LYPD6B: variants seen among roughly 807,000 people sequenced by gnomAD.
The protein encoded by LYPD6B is ly6/PLAUR domain-containing protein 6B.
In LYPD6B, 17 loss-of-function variants were observed where a neutral mutation model predicts 22.8. That is an observed-to-expected ratio of 0.75 (90% CI 0.51 to 1.12). LYPD6B has a LOEUF of 1.12. Ranked by LOEUF, LYPD6B falls within the 50% of genes most tolerant of loss-of-function variation. The pLI, the probability that LYPD6B is intolerant of heterozygous loss-of-function variation, is 0.00. For missense variants in LYPD6B, 221 were observed against 258.3 expected (o/e 0.86, Z 0.99); for synonymous variants, 106 against 91.6 (o/e 1.16, Z -0.90).
At chr2:149,066,083 T>A (rs1340124704) in intron 1 of LYPD6B, among the ~76,000 whole-genome samples, 2 of 152,178 alleles carry the variant, frequency 1.3e-5, no homozygotes, top group Non-Finnish European at 2.9e-5. Context: ...TGGCACAGAT[T>A]GGGCAGTACC....
intron 3 of LYPD6B, among the ~76,000 whole-genome samples, chr2:149,191,035 A>G (rs1286980331): frequency 6.6e-6 from 1 of 152,150 alleles, no homozygotes; most frequent in African/African-American, 2.4e-5. Flanking sequence ...ATCATGAACA[A>G]TTTTAAGCTT....
At chr2:149,149,629 A>G (rs971610506) in intron 2 of LYPD6B, among the ~76,000 whole-genome samples, 5 of 152,236 alleles carry the variant, frequency 3.3e-5, no homozygotes, top group Admixed American at 2.6e-4. Flanking sequence ...ACAAGAATGT[A>G]TCACATGCAC....
At chr2:149,176,534 A>T (rs1691321361) in intron 3 of LYPD6B, among the ~76,000 whole-genome samples, 1 of 152,104 alleles carries the variant, frequency 6.6e-6, no homozygotes, top group Non-Finnish European at 1.5e-5. Flanking sequence ...AGTTGTCTGG[A>T]GCTGGACTCC....
At chr2:149,147,890 A>G (rs1689129487) in intron 2 of LYPD6B, among the ~76,000 whole-genome samples, 1 of 123,244 alleles carries the variant, frequency 8.1e-6, no homozygotes, top group Non-Finnish European at 1.8e-5. Flanking sequence ...CTGATTGCAA[A>G]TTTATGCACA....
intron 1 of LYPD6B, among the ~76,000 whole-genome samples, chr2:149,064,273 A>T (rs1293163873): frequency 6.6e-6 from 1 of 152,218 alleles, no homozygotes; most frequent in Non-Finnish European, 1.5e-5. Context: ...TTTTCTACTT[A>T]TGAAGTCATG....
intron 1 of LYPD6B, among the ~76,000 whole-genome samples, chr2:149,058,044 G>A (rs748817852): frequency 6.6e-6 from 1 of 152,306 alleles, no homozygotes; most frequent in Non-Finnish European, 1.5e-5. Flanking sequence ...AGGGCATTTC[G>A]ACTGGCAGCC....
chr2:149,115,236 G>T (rs1389496937), intron 1 of LYPD6B, among the ~76,000 whole-genome samples: 1 of 152,146 alleles, frequency 6.6e-6, no homozygotes, highest in Non-Finnish European at 1.5e-5. Context: ...ACCATGCCCA[G>T]CCTACAGTGA....
chr2:149,195,091 A>G (rs1461814314), intron 3 of LYPD6B, among the ~76,000 whole-genome samples: 1 of 152,216 alleles, frequency 6.6e-6, no homozygotes, highest in African/African-American at 2.4e-5. Context: ...TAGAAATGGC[A>G]ATTCTGTTGG....
At chr2:149,083,377 A>G (rs1276608416) in intron 1 of LYPD6B, among the ~76,000 whole-genome samples, 1 of 152,232 alleles carries the variant, frequency 6.6e-6, no homozygotes, top group Non-Finnish European at 1.5e-5. Flanking sequence ...AATAATATCT[A>G]GCACATTTTC....
chr2:149,176,020 G>T (rs911645355), intron 3 of LYPD6B, among the ~76,000 whole-genome samples: 1 of 152,082 alleles, frequency 6.6e-6, no homozygotes, highest in Admixed American at 6.6e-5. Context: ...AAATACATCA[G>T]CCAGTAACAT....
intron 1 of LYPD6B, among the ~76,000 whole-genome samples, chr2:149,115,251 A>C (rs1467212276): frequency 6.6e-6 from 1 of 152,154 alleles, no homozygotes; most frequent in Non-Finnish European, 1.5e-5. Flanking sequence ...CAGTGATTTA[A>C]ATAAATATTA....
intron 1 of LYPD6B, among the ~76,000 whole-genome samples, chr2:149,090,198 A>G (rs1003080056): frequency 6.6e-6 from 1 of 152,202 alleles, no homozygotes; most frequent in African/African-American, 2.4e-5. Flanking sequence ...CTTAAGAAAG[A>G]CTTTGTATTT....
intron 1 of LYPD6B, among the ~76,000 whole-genome samples, chr2:149,046,569 G>C (rs1683314626): frequency 6.6e-6 from 1 of 152,062 alleles, no homozygotes; most frequent in East Asian, 1.9e-4. Flanking sequence ...CCAGAGTACA[G>C]TGGCGCAATC....
intron 5 of LYPD6B, among the ~76,000 whole-genome samples, chr2:149,208,989 T>C (rs1006434314): frequency 1.3e-5 from 2 of 151,998 alleles, no homozygotes; most frequent in Non-Finnish European, 2.9e-5. Context: ...GGGAAGAACA[T>C]ACTGGAAAGA....
chr2:149,098,627 C>CAAAAAAA (rs1285429577), intron 1 of LYPD6B, among the ~76,000 whole-genome samples: 2 of 83,468 alleles, frequency 2.4e-5, no homozygotes, highest in Admixed American at 1.2e-4. Context: ...AACTCTGTCT[C>CAAAAAAA]AAAAAAAAAA....
intron 1 of LYPD6B, among the ~76,000 whole-genome samples, chr2:149,126,794 C>T (rs1687723566): frequency 6.6e-6 from 1 of 152,112 alleles, no homozygotes; most frequent in Non-Finnish European, 1.5e-5. Flanking sequence ...AAAATTACCT[C>T]TCCTCCATTC....
chr2:149,096,062 CAG>C lies in LYPD6B; in HGVS notation c.-66-34817_-66-34816del, dbSNP rs1322010437. ...GCACGGAGAGAGACAGAGACACACA[CAG>C]AGATACACAGAAAGAGACAGTGATG... On this transcript the variant is annotated intron_variant, in intron 1 of 6. Transcript: ENST00000409642. Among the ~76,000 whole-genome samples, 3 of 151,850 alleles carry C rather than the reference CAG, an allele frequency of 2.0e-5. No homozygotes were observed. In the East Asian group the frequency reaches 5.8e-4, roughly 29 times the overall value.
intron 1 of LYPD6B, among the ~76,000 whole-genome samples, chr2:149,080,841 C>CAAAAAAA (rs35803068): frequency 4.1e-4 from 19 of 46,220 alleles, no homozygotes; most frequent in Non-Finnish European, 4.4e-4. Context: ...GACTCTATCT[C>CAAAAAAA]AAAAAAAAAA....
At position 149,040,841 on chromosome 2, in the gene LYPD6B, C is replaced by T. The variant is rs1483260297; in HGVS notation, c.-67+2040C>T. On this transcript the variant is annotated intron_variant, in intron 1 of 6. Coordinates refer to ENST00000409642, the MANE Select transcript of LYPD6B (RefSeq NM_177964.5). ...ATGCATGGAGGGCATCCTGTGTGTC[C>T]ATCTTTTCATTCATTGTTTTTTGTT... is the stretch of plus-strand genomic sequence containing the variant. 1.2e-4 allele frequency among the ~76,000 whole-genome samples: 18 copies of T among 152,182 alleles called. 1 individual carries two copies. Among genetic ancestry groups the T allele is most frequent in the Non-Finnish European group, 1.0e-4 (7 of 68,022 alleles).
Sources: gnomAD v4.1 joint callset for allele counts (sites outside exome capture counted in the v4.1 genomes callset) on GRCh38, gnomAD v4.1.1 for gene constraint, MANE v1.5 for transcripts, NCBI Gene and HGNC (gene_info 2026-07-23, HGNC 2026-07-21) for gene names.